RUNX2: variants seen among roughly 807,000 people sequenced by gnomAD.
RUNX2 encodes RUNX family transcription factor 2.
In RUNX2, 10 loss-of-function variants were observed where a neutral mutation model predicts 51.7. The observed-to-expected ratio is 0.19, with a 90% CI of 0.12 to 0.33. The LOEUF is 0.33. RUNX2 is among the 10% of genes least tolerant of loss of function. RUNX2 has a pLI of 1.00. For missense variants in RUNX2, 562 were observed against 691.3 expected, an observed-to-expected ratio of 0.81 and a Z score of 2.10; for synonymous variants, 276 against 273.6, an observed-to-expected ratio of 1.01 and a Z score of -0.09.
At chr6:45,428,136 C>T (rs2677104) in intron 3 of RUNX2, among the ~76,000 whole-genome samples, 126,137 of 152,146 alleles carry the variant, frequency 0.83, 52,451 homozygotes, top group South Asian at 0.93. Flanking sequence ...GAAGCAAATT[C>T]TAATTTGTGC....
chr6:45,357,309 G>A (rs1250257466), intron 2 of RUNX2, among the ~76,000 whole-genome samples: 1 of 151,892 alleles, frequency 6.6e-6, no homozygotes, highest in East Asian at 1.9e-4. Context: ...GCCCGGTCAA[G>A]AATCCATTTT....
intron 2 of RUNX2, among the ~76,000 whole-genome samples, chr6:45,350,435 A>G (rs1484387591): frequency 1.3e-5 from 2 of 152,226 alleles, no homozygotes; most frequent in African/African-American, 4.8e-5. Context: ...CACACCATTT[A>G]ATTTCTCCTT....
At chr6:45,392,385 C>G (rs1278978304) in intron 2 of RUNX2, among the ~76,000 whole-genome samples, 2 of 152,072 alleles carry the variant, frequency 1.3e-5, no homozygotes, top group Admixed American at 1.3e-4. Context: ...TGGCATCCAC[C>G]TATATTCCTA....
Position 45,508,289 on chromosome 6 carries a change from C to T in RUNX2, c.860-3957C>T, listed in dbSNP as rs573126679. On this transcript the variant is annotated intron_variant, in intron 6 of 8. Coordinates refer to ENST00000647337, the MANE Select transcript of RUNX2 (RefSeq NM_001024630.4). Reference sequence around the variant, plus strand: ...TGTTGCCCGGGCTGGAGTGCAATGGCGTGATCTCGGCTCACCGCAACCTCC... The same window carrying T: ...TGTTGCCCGGGCTGGAGTGCAATGGTGTGATCTCGGCTCACCGCAACCTCC... Among the ~76,000 whole-genome samples the T allele has an allele frequency of 5.5e-4, 70 of 126,942 alleles. 1 individual carries two copies. The highest frequency in any genetic ancestry group is 9.0e-4 in the Non-Finnish European group (58 of 64,720). The allele number at this position is 126,942 out of a possible 152,430, so 83.3% of individuals were successfully genotyped here.
At chr6:45,537,143 G>A (rs929128184) in intron 7 of RUNX2, among the ~76,000 whole-genome samples, 1 of 152,172 alleles carries the variant, frequency 6.6e-6, no homozygotes, top group African/African-American at 2.4e-5. Context: ...ATAAAACATG[G>A]TTTGCTTCAT....
chr6:45,481,325 G>A (rs964639644), intron 5 of RUNX2, among the ~76,000 whole-genome samples: 5 of 152,100 alleles, frequency 3.3e-5, no homozygotes, highest in African/African-American at 7.2e-5. Flanking sequence ...GTTCAACTAC[G>A]AAAACTGCTA....
At chr6:45,354,540 T>C (rs1009825095) in intron 2 of RUNX2, among the ~76,000 whole-genome samples, 1 of 148,452 alleles carries the variant, frequency 6.7e-6, no homozygotes, top group Non-Finnish European at 1.5e-5. Context: ...ATTCAGGGAT[T>C]GTCTCAGTTT....
intron 2 of RUNX2, among the ~76,000 whole-genome samples, chr6:45,401,099 A>T (rs1797706575): frequency 6.6e-6 from 1 of 152,212 alleles, no homozygotes; most frequent in Admixed American, 6.5e-5. Context: ...AAAACAAAAA[A>T]ATTTCTTCAG....
At chr6:45,411,964 A>G (rs1246345075) in intron 2 of RUNX2, among the ~76,000 whole-genome samples, 1 of 152,176 alleles carries the variant, frequency 6.6e-6, no homozygotes, top group African/African-American at 2.4e-5. Context: ...TGAAAATAAT[A>G]AGAATAATGT....
In RUNX2 at chr6:45,510,737, GT is replaced by G. The variant is rs879795223; in HGVS notation, c.860-1499del. Among the ~76,000 whole-genome samples, 453 of 148,532 alleles carry G rather than the reference GT, an allele frequency of 3.0e-3. 6 individuals are homozygous for G. Among genetic ancestry groups the G allele is most frequent in the Admixed American group, 0.024 (351 of 14,892 alleles). Reference sequence around the variant, plus strand: ...TGGAACTTACCCTATGTCACCCAGAGTTTTTTTTTTAATATATATATGTATA... The same window carrying G: ...TGGAACTTACCCTATGTCACCCAGAGTTTTTTTTTAATATATATATGTATA... On this transcript the variant is annotated intron_variant, in intron 6 of 8. Coordinates refer to ENST00000647337, the MANE Select transcript of RUNX2 (RefSeq NM_001024630.4).
chr6:45,514,720 G>A (rs1174027824), intron 7 of RUNX2, among the ~76,000 whole-genome samples: 1 of 152,110 alleles, frequency 6.6e-6, no homozygotes, highest in Non-Finnish European at 1.5e-5. Flanking sequence ...CTGCCTGGTG[G>A]ACTCAAGGAC....
chr6:45,544,275 T>C (rs1802321392), intron 7 of RUNX2, among the ~76,000 whole-genome samples: 1 of 152,162 alleles, frequency 6.6e-6, no homozygotes, highest in Non-Finnish European at 1.5e-5. Flanking sequence ...AAATGTCATT[T>C]TGTGTTAGCT....
chr6:45,521,109 C>T (rs555462640), intron 7 of RUNX2, among the ~76,000 whole-genome samples: 1 of 152,044 alleles, frequency 6.6e-6, no homozygotes, highest in East Asian at 1.9e-4. Flanking sequence ...ATTCTTGAAT[C>T]CTTATAACCT....
At chr6:45,487,065 A>T (rs988286196) in intron 5 of RUNX2, among the ~76,000 whole-genome samples, 5 of 152,318 alleles carry the variant, frequency 3.3e-5, no homozygotes, top group South Asian at 2.1e-4. Flanking sequence ...CCTTTTGATT[A>T]TGCTTTCTTC....
At chr6:45,381,484 G>C (rs1487232765) in intron 2 of RUNX2, among the ~76,000 whole-genome samples, 1 of 151,812 alleles carries the variant, frequency 6.6e-6, no homozygotes, top group Non-Finnish European at 1.5e-5. Flanking sequence ...CTGGAGTGAA[G>C]TCATGCAGTC....
rs1168920560 is a variant in RUNX2, at chr6:45,447,827, T to C, written c.685+9776T>C. ...TTCAGTAATTCCTTCAATGAGAAACTGTTAGTGTGAAACTCTCAGAGAGTT... is the reference window on the plus strand; with the variant it reads ...TTCAGTAATTCCTTCAATGAGAAACCGTTAGTGTGAAACTCTCAGAGAGTT... On this transcript the variant is annotated intron_variant, in intron 5 of 8. Transcript: ENST00000647337. 2.6e-5 allele frequency among the ~76,000 whole-genome samples: 4 copies of C among 152,242 alleles called. No individual in the cohort carries two copies. In the East Asian group the frequency reaches 7.7e-4, roughly 29 times the overall value.
At chr6:45,336,051 C>T (rs1174531181) in intron 2 of RUNX2, among the ~76,000 whole-genome samples, 1 of 151,254 alleles carries the variant, frequency 6.6e-6, no homozygotes, top group Non-Finnish European at 1.5e-5. Context: ...ATTAATCCAA[C>T]CTCCTTTCCA....
Position 45,422,602 on chromosome 6 carries a change from C to A in RUNX2, c.68C>A (p.Thr23Asn). 2 of 1,605,642 alleles carry A rather than the reference C, an allele frequency of 1.2e-6. No homozygotes were observed. Among genetic ancestry groups the A allele is most frequent in the South Asian group, 1.1e-5 (1 of 89,706 alleles). ...ATGCGTATTCCCGTAGATCCGAGCA[C>A]CAGCCGGCGCTTCAGCCCCCCCTCC... The part of the protein sequence containing the change: ...CQQNFFWDPS[T>N]SRRFSPPSSS... Residue 23 changes from threonine (T) to asparagine (N), a missense_variant, in exon 3 of 9, where the codon ACC becomes AAC. This residue lies in a region of RUNX2 where 153 missense variants were observed against 144.8 expected (regional missense o/e 1.06). Transcript: ENST00000647337.
chr6:45,347,285 G>A (rs949866733), intron 2 of RUNX2, among the ~76,000 whole-genome samples: 32 of 152,024 alleles, frequency 2.1e-4, no homozygotes, highest in Admixed American at 1.4e-3. Context: ...AAATGAATTC[G>A]ATTTCACTGA....
Sources: allele counts gnomAD v4.1 joint callset (sites outside exome capture counted in the v4.1 genomes callset), GRCh38; gene constraint gnomAD v4.1.1; regional missense constraint gnomAD v4.1.1; transcripts MANE v1.5; gene names NCBI Gene and HGNC (gene_info 2026-07-23, HGNC 2026-07-21).